Variants in ELMO1 observed in about 807,000 individuals in gnomAD.
ELMO1 encodes engulfment and cell motility 1.
A neutral mutation model predicts 98.9 loss-of-function variants in ELMO1; 26 were observed. The observed-to-expected ratio is 0.26, with a 90% CI of 0.19 to 0.36. The LOEUF (loss-of-function observed/expected upper bound fraction) is 0.36. Ranked by LOEUF, ELMO1 falls within the 10% of genes least tolerant of loss-of-function variation. ELMO1 has a pLI of 1.00. For synonymous variants in ELMO1, 346 were observed against 346.0 expected (o/e 1.00, Z 0.00); for missense variants, 627 against 935.2 (o/e 0.67, Z 4.30).
At chr7:37,291,751 C>T (rs567246342) in intron 4 of ELMO1, among the ~76,000 whole-genome samples, 2 of 152,270 alleles carry the variant, frequency 1.3e-5, no homozygotes, top group East Asian at 3.9e-4. Flanking sequence ...TCCGTCTCTA[C>T]TAAAAATACA....
chr7:36,896,087 C>A (rs1305104532), intron 16 of ELMO1, among the ~76,000 whole-genome samples: 1 of 152,132 alleles, frequency 6.6e-6, no homozygotes, highest in Non-Finnish European at 1.5e-5. Flanking sequence ...TTCTTCGTGT[C>A]ATTTGGGAAC....
Position 37,213,407 on chromosome 7 carries a change from C to A in ELMO1, c.882G>T (p.Leu294=). The A allele has an allele frequency of 6.2e-7, 1 of 1,612,600 alleles. No homozygotes were observed. The highest frequency in any genetic ancestry group is 8.5e-7 in the Non-Finnish European group (1 of 1,179,770). ...RAINNEMAHQ[L]YVLQVLTFNL... ...TAAAGGTGAGCACTTGTAGAACATA[C>A]AGCTGGTGCGCCATCTCATTGTTGA... Residue 294 remains leucine, a synonymous_variant, in exon 12 of 22, where the codon CTG becomes CTT. Coordinates refer to ENST00000310758, the MANE Select transcript of ELMO1 (RefSeq NM_014800.11).
chr7:37,203,159 T>G (rs1584802960), intron 13 of ELMO1, among the ~76,000 whole-genome samples: 3 of 152,180 alleles, frequency 2.0e-5, no homozygotes, highest in African/African-American at 7.2e-5. Flanking sequence ...TATTGACACA[T>G]TCTCGAAAAC....
chr7:36,945,807 T>G (rs10246399), intron 16 of ELMO1, among the ~76,000 whole-genome samples: 1 of 152,194 alleles, frequency 6.6e-6, no homozygotes, highest in Non-Finnish European at 1.5e-5. Context: ...CTAGAGTGAC[T>G]GTATCTCACT....
At chr7:36,910,926 T>C (rs1010997705) in intron 16 of ELMO1, among the ~76,000 whole-genome samples, 2 of 152,168 alleles carry the variant, frequency 1.3e-5, no homozygotes, top group Admixed American at 6.5e-5. Flanking sequence ...CAAAATGAGC[T>C]TGGACATCCT....
rs74860893 is a variant in ELMO1 at position 36,933,596 on chromosome 7, T to G, written c.1438-38579A>C. ...GGACAGAAGTCTAGGACCAGGGCAA[T>G]AGGATGTGTGCAACGCTTTCCTGCT... On this transcript the variant is annotated intron_variant, in intron 16 of 21. Coordinates refer to ENST00000310758, the MANE Select transcript of ELMO1 (RefSeq NM_014800.11). Among the ~76,000 whole-genome samples the G allele has an allele frequency of 5.6e-3, 852 of 152,140 alleles. 10 individuals carry two copies. The highest frequency in any genetic ancestry group is 0.019 in the African/African-American group (791 of 41,492).
chr7:37,428,030 GGTGTGTGTGTGTGT>G (rs10681558), intron 1 of ELMO1, among the ~76,000 whole-genome samples: 1 of 149,792 alleles, frequency 6.7e-6, no homozygotes, highest in African/African-American at 2.5e-5. Flanking sequence ...GTATGCTTGG[GGTGTGTGTGTGTGT>G]GTGTGTGTGT....
At chr7:36,883,257 C>A (rs1237358154) in intron 18 of ELMO1, among the ~76,000 whole-genome samples, 1 of 152,244 alleles carries the variant, frequency 6.6e-6, no homozygotes, top group East Asian at 1.9e-4. Context: ...GTTATCACTT[C>A]TTGAAATGAT....
At chr7:36,973,776 G>A (rs1437318189) in intron 16 of ELMO1, among the ~76,000 whole-genome samples, 2 of 152,210 alleles carry the variant, frequency 1.3e-5, no homozygotes, top group Admixed American at 6.5e-5. Flanking sequence ...GGGGCTGCGC[G>A]CGGCGCTTGC....
At chr7:37,067,851 G>A (rs908420350) in intron 15 of ELMO1, among the ~76,000 whole-genome samples, 1 of 151,712 alleles carries the variant, frequency 6.6e-6, no homozygotes, top group African/African-American at 2.4e-5. Context: ...GGCTCTTCTC[G>A]GACTGGAGTC....
intron 13 of ELMO1, among the ~76,000 whole-genome samples, chr7:37,158,850 C>T (rs924489069): frequency 2.6e-5 from 4 of 152,310 alleles, no homozygotes; most frequent in African/African-American, 9.6e-5. Flanking sequence ...AAGACCCATG[C>T]ACATGTATGT....
At chr7:37,102,739 G>A (rs1406246782) in intron 14 of ELMO1, among the ~76,000 whole-genome samples, 4 of 152,214 alleles carry the variant, frequency 2.6e-5, no homozygotes, top group Non-Finnish European at 4.4e-5. Flanking sequence ...ACAAAGAGAT[G>A]TGTCACTGGT....
Position 37,434,231 on chromosome 7 carries a change from T to C in ELMO1, c.-74+14444A>G, listed in dbSNP as rs527556092. On this transcript the variant is annotated intron_variant, in intron 1 of 21. Transcript: ENST00000310758. ...GGTACCTTGAGGTTTATAATTTTTT[T>C]TAGTCACCACTTTGTAGGATGATGC... 1.5e-3 allele frequency among the ~76,000 whole-genome samples: 229 copies of C among 152,218 alleles called. 3 individuals are homozygous for C. The highest frequency in any genetic ancestry group is 2.9e-4 in the Non-Finnish European group (20 of 68,016).
intron 15 of ELMO1, among the ~76,000 whole-genome samples, chr7:37,080,531 G>A (rs1019894381): frequency 2.5e-4 from 37 of 146,036 alleles, no homozygotes; most frequent in Middle Eastern, 7.5e-3. Context: ...TCTGCCTCCC[G>A]AATTCAAGCG....
chr7:37,298,060 T>C (rs555368864), intron 4 of ELMO1, among the ~76,000 whole-genome samples: 2 of 152,302 alleles, frequency 1.3e-5, no homozygotes, highest in Non-Finnish European at 2.9e-5. Flanking sequence ...AAATGTTTTT[T>C]GAAGATACTT....
chr7:37,254,071 T>C (rs1439534821), intron 6 of ELMO1, among the ~76,000 whole-genome samples: 1 of 152,166 alleles, frequency 6.6e-6, no homozygotes, highest in African/African-American at 2.4e-5. Flanking sequence ...TAGCGAAAGA[T>C]CTGAAAAATT....
At chr7:36,991,350 T>G (rs1455965510) in intron 16 of ELMO1, among the ~76,000 whole-genome samples, 1 of 152,112 alleles carries the variant, frequency 6.6e-6, no homozygotes, top group Non-Finnish European at 1.5e-5. Context: ...AGACCATATC[T>G]CCCAAGGATG....
intron 15 of ELMO1, among the ~76,000 whole-genome samples, chr7:37,020,503 T>C (rs1167425170): frequency 2.0e-5 from 3 of 152,226 alleles, no homozygotes; most frequent in African/African-American, 7.2e-5. Context: ...TCCTACCTAA[T>C]GCAGACCATT....
At chr7:37,407,365 A>G (rs7783434) in intron 1 of ELMO1, among the ~76,000 whole-genome samples, 35,243 of 151,914 alleles carry the variant, frequency 0.23, 4,316 homozygotes, top group East Asian at 0.41. Context: ...AAAATTAGCC[A>G]GGCGTGATGG....
Sources: gnomAD v4.1 joint callset for allele counts (sites outside exome capture counted in the v4.1 genomes callset) on GRCh38, gnomAD v4.1.1 for gene constraint, MANE v1.5 for transcripts, NCBI Gene and HGNC (gene_info 2026-07-23, HGNC 2026-07-21) for gene names.